Variants in CREB5 observed in about 807,000 individuals in gnomAD.
CREB5 encodes cAMP responsive element binding protein 5.
A neutral mutation model predicts 57.1 loss-of-function variants in CREB5; 19 were observed. The observed-to-expected ratio is 0.33, with a 90% CI of 0.23 to 0.49. The LOEUF (loss-of-function observed/expected upper bound fraction) is 0.49. Ranked by LOEUF, CREB5 falls within the 20% of genes least tolerant of loss-of-function variation. The pLI is 0.99. For missense variants in CREB5, 579 were observed against 671.6 expected (o/e 0.86, Z 1.52); for synonymous variants, 238 against 238.3 (o/e 1.00, Z 0.01).
intron 4 of CREB5, among the ~76,000 whole-genome samples, chr7:28,564,402 C>T (rs1795401330): frequency 6.6e-6 from 1 of 152,194 alleles, no homozygotes; most frequent in South Asian, 2.1e-4. Context: ...CATTACCACA[C>T]CCTGAAATTA....
intron 1 of CREB5, among the ~76,000 whole-genome samples, chr7:28,396,420 A>G (rs774653517): frequency 1.2e-4 from 19 of 152,248 alleles, no homozygotes; most frequent in African/African-American, 1.9e-4. Flanking sequence ...ATAATAAAAT[A>G]TACAACTAGC....
intron 4 of CREB5, among the ~76,000 whole-genome samples, chr7:28,529,498 A>T (rs1472388811): frequency 6.6e-6 from 1 of 152,248 alleles, no homozygotes; most frequent in Non-Finnish European, 1.5e-5. Context: ...ATTTAACATG[A>T]TAAAACCACT....
At chr7:28,380,282 G>C (rs1374489728) in intron 1 of CREB5, among the ~76,000 whole-genome samples, 3 of 152,194 alleles carry the variant, frequency 2.0e-5, no homozygotes, top group Non-Finnish European at 4.4e-5. Flanking sequence ...CCCTGCAGAA[G>C]GTGCTAGGAA....
chr7:28,520,272 T>G lies in CREB5; in HGVS notation c.291+12535T>G, dbSNP rs566941869. Among the ~76,000 whole-genome samples the G allele has an allele frequency of 6.6e-5, 10 of 152,324 alleles. 1 individual carries two copies. The East Asian group carries it at 1.9e-3, about 29-fold the overall frequency. On this transcript the variant is annotated intron_variant, in intron 4 of 10. Coordinates refer to ENST00000357727, the MANE Select transcript of CREB5 (RefSeq NM_182898.4). Reference sequence around the variant, plus strand: ...CTATGCTCACACACTTATGCCAACTTCCTCCTTCGTAGTTGTCTCCGCATC... The same window carrying G: ...CTATGCTCACACACTTATGCCAACTGCCTCCTTCGTAGTTGTCTCCGCATC...
chr7:28,458,550 A>G (rs917100157), intron 1 of CREB5, among the ~76,000 whole-genome samples: 5 of 152,246 alleles, frequency 3.3e-5, no homozygotes, highest in African/African-American at 1.2e-4. Flanking sequence ...AATCGCAAAT[A>G]TAGGCAGGCA....
At chr7:28,392,399 C>G (rs1787236548) in intron 1 of CREB5, among the ~76,000 whole-genome samples, 1 of 152,186 alleles carries the variant, frequency 6.6e-6, no homozygotes, top group Admixed American at 6.5e-5. Context: ...CTCTTTGATT[C>G]TCTTCAAGTG....
At chr7:28,731,875 G>C (rs1301097879) in intron 7 of CREB5, among the ~76,000 whole-genome samples, 3 of 152,182 alleles carry the variant, frequency 2.0e-5, no homozygotes, top group African/African-American at 7.2e-5. Flanking sequence ...CCAGAGACTT[G>C]GTGGTCTTGA....
At chr7:28,549,099 C>T (rs557477899) in intron 4 of CREB5, among the ~76,000 whole-genome samples, 1 of 152,276 alleles carries the variant, frequency 6.6e-6, no homozygotes, top group East Asian at 1.9e-4. Flanking sequence ...TTTTTCAAAT[C>T]TTAGAATCGA....
In CREB5 at chr7:28,588,435, A is replaced by T. The variant is rs151185092; in HGVS notation, c.464+17898A>T. ...CCCAGCATGTTATCTAGTACGGAGG[A>T]ACTATATTGGTGTAAGTATGCATAC... is the stretch of plus-strand genomic sequence containing the variant. On this transcript the variant is annotated intron_variant, in intron 5 of 10. Transcript: ENST00000357727. Among the ~76,000 whole-genome samples the T allele has an allele frequency of 1.2e-3, 180 of 152,250 alleles. 1 individual carries two copies. The highest frequency in any genetic ancestry group is 2.0e-3 in the Non-Finnish European group (138 of 68,018).
intron 5 of CREB5, among the ~76,000 whole-genome samples, chr7:28,698,990 A>G (rs1801711674): frequency 6.6e-6 from 1 of 152,190 alleles, no homozygotes; most frequent in African/African-American, 2.4e-5. Context: ...ATGCAAAAGC[A>G]CAGAAGTGGG....
rs577918431 is a variant in CREB5 at position 28,492,285 on chromosome 7, C to T, written c.76-2621C>T. On this transcript the variant is annotated intron_variant, in intron 2 of 10. Transcript: ENST00000357727. ...AAAGTGCTGGGATTACAGGCGTGAG[C>T]CACCGTGGCCACGTGGGAGATTTTT... Among the ~76,000 whole-genome samples, 264 of 152,274 alleles carry T rather than the reference C, an allele frequency of 1.7e-3. 2 individuals are homozygous for T. Among genetic ancestry groups the T allele is most frequent in the African/African-American group, 5.9e-3 (244 of 41,550 alleles).
intron 5 of CREB5, among the ~76,000 whole-genome samples, chr7:28,687,067 G>A (rs571731182): frequency 1.3e-5 from 2 of 152,238 alleles, no homozygotes; most frequent in East Asian, 3.9e-4. Context: ...GAATGATTGT[G>A]CTGTTCCATT....
intron 5 of CREB5, among the ~76,000 whole-genome samples, chr7:28,625,672 C>T (rs1583439964): frequency 6.6e-6 from 1 of 152,066 alleles, no homozygotes; most frequent in Non-Finnish European, 1.5e-5. Flanking sequence ...GTTATGTGTG[C>T]TAGGATGAAA....
intron 4 of CREB5, among the ~76,000 whole-genome samples, chr7:28,516,617 A>C (rs1436147152): frequency 1.3e-5 from 2 of 152,126 alleles, no homozygotes; most frequent in African/African-American, 2.4e-5. Context: ...AAATCAGTCC[A>C]AGTGGATTCT....
At chr7:28,605,444 G>A (rs1583405724) in intron 5 of CREB5, among the ~76,000 whole-genome samples, 1 of 152,118 alleles carries the variant, frequency 6.6e-6, no homozygotes, top group Non-Finnish European at 1.5e-5. Flanking sequence ...GACACTTCAG[G>A]ACTGTGTGGA....
At chr7:28,305,776 A>G (rs1398841540) in intron 1 of CREB5, among the ~76,000 whole-genome samples, 1 of 149,110 alleles carries the variant, frequency 6.7e-6, no homozygotes, top group Non-Finnish European at 1.5e-5. Flanking sequence ...CATTCATTCA[A>G]TTATTTACTT....
intron 5 of CREB5, among the ~76,000 whole-genome samples, chr7:28,678,461 A>T (rs1800427887): frequency 6.6e-6 from 1 of 152,172 alleles, no homozygotes; most frequent in Non-Finnish European, 1.5e-5. Flanking sequence ...ATAGTACTCC[A>T]TGTCTAGAAA....
intron 7 of CREB5, among the ~76,000 whole-genome samples, chr7:28,803,024 A>G (rs536355332): frequency 1.1e-3 from 166 of 152,366 alleles, no homozygotes; most frequent in Non-Finnish European, 2.1e-3. Context: ...GACACAGAAG[A>G]TAAGAGAAGA....
At chr7:28,480,037 C>T (rs1791258532) in intron 1 of CREB5, among the ~76,000 whole-genome samples, 1 of 147,690 alleles carries the variant, frequency 6.8e-6, no homozygotes, top group Admixed American at 6.8e-5. Flanking sequence ...CCCCCCCCCA[C>T]ATTATCCAAT....
Sources: gnomAD v4.1 joint callset for allele counts (sites outside exome capture counted in the v4.1 genomes callset) on GRCh38, gnomAD v4.1.1 for gene constraint, MANE v1.5 for transcripts, NCBI Gene and HGNC (gene_info 2026-07-23, HGNC 2026-07-21) for gene names.